ASNS: variants seen among roughly 807,000 people sequenced by gnomAD.
The protein encoded by ASNS is asparagine synthetase [glutamine-hydrolyzing].
A neutral mutation model predicts 62.6 loss-of-function variants in ASNS; 37 were observed. The ratio of observed to expected loss-of-function variants is 0.59; its 90% CI spans 0.45 to 0.78. The LOEUF is 0.78. Among genes scored for constraint, ASNS ranks in the 30% least tolerant of loss-of-function variants. The probability of loss-of-function intolerance (pLI) is 0.00; values close to 1 mark genes in which losing one functional copy is unlikely to be tolerated. For synonymous variants in ASNS, 207 were observed against 237.9 expected (o/e 0.87, Z 1.19); for missense variants, 520 against 682.4 (o/e 0.76, Z 2.65).
rs1323674157 is a variant in ASNS at position 97,864,047 on chromosome 7, G to A, written c.487+212C>T. 7 of 495,304 alleles carry A rather than the reference G, an allele frequency of 1.4e-5. 1 individual carries two copies. The highest frequency in any genetic ancestry group is 5.3e-4 in the Middle Eastern group (1 of 1,896). The allele number at this position is 495,304 out of a possible 1,614,324, so 30.7% of individuals were successfully genotyped here. On this transcript the variant is annotated intron_variant, in intron 4 of 12. Transcript: ENST00000394308. ...CATATTAGCACAGCAAAAAATAAAC[G>A]ACTGCACTAAAGAATCATCCTTCAA...
the ASNS span, among the ~76,000 whole-genome samples, chr7:97,903,701 C>T: frequency 6.6e-5 from 10 of 152,186 alleles, no homozygotes; most frequent in Non-Finnish European, 1.5e-4. Flanking sequence ...GCAGGCTCTA[C>T]CTCGTGAGCT....
At chr7:97,859,560 C>T (rs1459562948) in intron 4 of ASNS, among the ~76,000 whole-genome samples, 162 bp from the exon 5 acceptor site, 4 of 152,250 alleles carry the variant, frequency 2.6e-5, no homozygotes, top group African/African-American at 9.6e-5. Flanking sequence ...TTCCTAAGCC[C>T]TACCATCTAC....
chr7:97,861,932 G>A lies in ASNS; in HGVS notation c.487+2327C>T, dbSNP rs572752407. Among the ~76,000 whole-genome samples, 8 of 152,228 alleles carry A rather than the reference G, an allele frequency of 5.3e-5. No homozygotes were observed. The East Asian group carries it at 1.5e-3, about 29-fold the overall frequency. The stretch of plus-strand genomic sequence containing the variant: ...TCTTTTTGATGCTATTATAAATGAA[G>A]TTGCTTTCTTAATTTCATTTTGATT... On this transcript the variant is annotated intron_variant, in intron 4 of 12. Coordinates refer to ENST00000394308, the MANE Select transcript of ASNS (RefSeq NM_001673.5).
chr7:97,863,598 G>A (rs1584470260), intron 4 of ASNS: 1 of 152,320 alleles, frequency 6.6e-6, no homozygotes, highest in Non-Finnish European at 1.5e-5. Context: ...TTGAGCCCAC[G>A]AGTTCAAGGC....
intron 3 of ASNS, among the ~76,000 whole-genome samples, chr7:97,865,574 C>T (rs1791923709): frequency 6.6e-6 from 1 of 152,204 alleles, no homozygotes; most frequent in South Asian, 2.1e-4. Context: ...ATCTCTATCA[C>T]ACATTTTCAC....
At chr7:97,883,651 A>T in the ASNS span, among the ~76,000 whole-genome samples, 43 of 152,160 alleles carry the variant, frequency 2.8e-4, no homozygotes, top group Non-Finnish European at 4.1e-4. Flanking sequence ...ATCCAAACCG[A>T]TCACTCGCTT....
At chr7:97,864,611 G>C in intron 3 of ASNS, 115 bp from the exon 4 acceptor site, 1 of 734,828 alleles carries the variant, frequency 1.4e-6, no homozygotes, top group East Asian at 2.6e-5. Flanking sequence ...ATGCACTTTG[G>C]TGATTTAGGA....
intron 5 of ASNS, 120 bp downstream of exon 5, chr7:97,859,093 C>A: frequency 7.1e-7 from 1 of 1,409,814 alleles, no homozygotes; most frequent in South Asian, 1.4e-5. Flanking sequence ...TAATGTGTTC[C>A]CTCCAAACAA....
chr7:97,920,456 G>A, the ASNS span, among the ~76,000 whole-genome samples: 1 of 152,206 alleles, frequency 6.6e-6, no homozygotes, highest in South Asian at 2.1e-4. Context: ...CAGCTGGTGA[G>A]GTCTAGAGGG....
chr7:97,896,737 C>CATATATATATATATATATATAT, the ASNS span, among the ~76,000 whole-genome samples: 54 of 30,422 alleles, frequency 1.8e-3, no homozygotes, highest in Non-Finnish European at 3.3e-3. Flanking sequence ...CACACACACA[C>CATATATATATATATATATATAT]ACACATATAT....
chr7:97,908,371 C>CA, the ASNS span: 1 of 151,798 alleles, frequency 6.6e-6, no homozygotes, highest in Non-Finnish European at 1.5e-5. Flanking sequence ...TGTACAAGAC[C>CA]ACAATGGATG....
At chr7:97,885,935 T>C in the ASNS span, 1 of 584,744 alleles carries the variant, frequency 1.7e-6, no homozygotes, top group Non-Finnish European at 3.2e-6. Context: ...CCTCCTGGGA[T>C]GATGCCAGTG....
At chr7:97,883,643 C>G in the ASNS span, among the ~76,000 whole-genome samples, 1 of 152,194 alleles carries the variant, frequency 6.6e-6, no homozygotes, top group Non-Finnish European at 1.5e-5. Flanking sequence ...GAAGGTGCAT[C>G]CAAACCGATC....
At chr7:97,859,532 G>GA (rs904566938) in intron 4 of ASNS, 134 bp from the exon 5 acceptor site, 16 of 962,342 alleles carry the variant, frequency 1.7e-5, no homozygotes, top group East Asian at 5.8e-5. Flanking sequence ...AGCAAAATAG[G>GA]AAAAAAAATT....
At chr7:97,879,793 T>A in the ASNS span, among the ~76,000 whole-genome samples, 1 of 152,228 alleles carries the variant, frequency 6.6e-6, no homozygotes, top group Admixed American at 6.5e-5. Flanking sequence ...GTGTGCTGTC[T>A]CAAGCCACAA....
chr7:97,852,777 A>C (rs534345584), intron 12 of ASNS, among the ~76,000 whole-genome samples: 1 of 152,190 alleles, frequency 6.6e-6, no homozygotes, highest in Non-Finnish European at 1.5e-5. Flanking sequence ...ATTAGTAGTA[A>C]GTCTCCTCTC....
At chr7:97,901,019 G>A in the ASNS span, among the ~76,000 whole-genome samples, 7 of 152,200 alleles carry the variant, frequency 4.6e-5, no homozygotes, top group Admixed American at 2.0e-4. Context: ...AAATTTTGCA[G>A]AATTAACACA....
the ASNS span, among the ~76,000 whole-genome samples, chr7:97,902,326 C>T: frequency 2.2e-4 from 34 of 152,250 alleles, no homozygotes; most frequent in African/African-American, 8.2e-4. Context: ...ACAAATCACT[C>T]CTATTACGAC....
chr7:97,922,455 C>A, the ASNS span, among the ~76,000 whole-genome samples: 1 of 151,996 alleles, frequency 6.6e-6, no homozygotes, highest in Non-Finnish European at 1.5e-5. Flanking sequence ...TGGGCAGATG[C>A]CAAAGGACAC....
Sources: allele counts gnomAD v4.1 joint callset (sites outside exome capture counted in the v4.1 genomes callset), GRCh38; gene constraint gnomAD v4.1.1; transcripts MANE v1.5; gene names NCBI Gene and HGNC (gene_info 2026-07-23, HGNC 2026-07-21).